TFAP2B: variants seen among roughly 807,000 people sequenced by gnomAD.
TFAP2B encodes transcription factor AP-2-beta.
TFAP2B carries 9 observed loss-of-function variants against 44.3 expected under a neutral mutation model. The ratio of observed to expected loss-of-function variants is 0.20; its 90% CI spans 0.12 to 0.35. The LOEUF (loss-of-function observed/expected upper bound fraction) is 0.35. Ranked by LOEUF, TFAP2B falls within the 10% of genes least tolerant of loss-of-function variation. TFAP2B has a pLI of 1.00. For missense variants in TFAP2B, 509 were observed against 600.0 expected (o/e 0.85, Z 1.59); for synonymous variants, 270 against 263.8 (o/e 1.02, Z -0.23).
In TFAP2B at chr6:50,822,261, C is replaced by A. The variant is rs898670655; in HGVS notation, c.82-1146C>A. The A allele has an allele frequency of 2.9e-6, 3 of 1,047,630 alleles. No homozygotes were observed. In the Admixed American group the frequency reaches 7.2e-5, roughly 25 times the overall value. The allele number at this position is 1,047,630 out of a possible 1,614,324, so 64.9% of individuals were successfully genotyped here. Reference sequence around the variant, plus strand: ...TGTGTGTGTGTCTCACACTCTCTGTCTCTCTCTGTCTTCCTTTGAGCGCCT... The same window carrying A: ...TGTGTGTGTGTCTCACACTCTCTGTATCTCTCTGTCTTCCTTTGAGCGCCT... On this transcript the variant is annotated intron_variant, in intron 1 of 6. Coordinates refer to ENST00000393655, the MANE Select transcript of TFAP2B (RefSeq NM_003221.4).
At chr6:50,840,408 A>AG in intron 6 of TFAP2B, 111 bp downstream of exon 6, 1 of 1,411,168 alleles carries the variant, frequency 7.1e-7, no homozygotes, top group Non-Finnish European at 9.9e-7. Flanking sequence ...GTTGTCTAGA[A>AG]GTAGCATTTG....
At chr6:50,841,760 G>A (rs961152148) in intron 6 of TFAP2B, among the ~76,000 whole-genome samples, 1 of 152,178 alleles carries the variant, frequency 6.6e-6, no homozygotes, top group Non-Finnish European at 1.5e-5. Context: ...CCTCTTAAGA[G>A]CTTAAAAACT....
Position 50,836,051 on chromosome 6 carries a change from CTCTT to C in TFAP2B, c.602-6_602-3del, listed in dbSNP as rs1762614735. ...GGTCACCTTTATGGCAATTTTTTCTCTCTTTCTAGTTCCAGTTCCTCCCAAATCG... is the reference window on the plus strand; with the variant it reads ...GGTCACCTTTATGGCAATTTTTTCTCTCTAGTTCCAGTTCCTCCCAAATCG... On this transcript the variant is annotated splice_region_variant and splice_polypyrimidine_tract_variant and intron_variant, in intron 3 of 6. Coordinates refer to ENST00000393655, the MANE Select transcript of TFAP2B (RefSeq NM_003221.4). 1.2e-6 allele frequency: 2 copies of C among 1,612,414 alleles called. No individual in the cohort carries two copies. Among genetic ancestry groups the C allele is most frequent in the Admixed American group, 1.7e-5 (1 of 60,012 alleles).
At chr6:50,822,304 C>A in intron 1 of TFAP2B, 1 of 615,286 alleles carries the variant, frequency 1.6e-6, no homozygotes, top group Non-Finnish European at 2.6e-6. Context: ...GGTAATTTAG[C>A]ACCATAATTG....
intron 3 of TFAP2B, among the ~76,000 whole-genome samples, chr6:50,830,531 T>G (rs1449463665): frequency 6.6e-6 from 1 of 152,214 alleles, no homozygotes; most frequent in Non-Finnish European, 1.5e-5. Flanking sequence ...TACAGCTTTT[T>G]AAAAAATGTG....
intron 1 of TFAP2B, among the ~76,000 whole-genome samples, chr6:50,820,781 G>A (rs1212852062): frequency 6.6e-6 from 1 of 152,224 alleles, no homozygotes; most frequent in African/African-American, 2.4e-5. Flanking sequence ...AGGCATTTCA[G>A]TGGGTTCTAA....
chr6:50,822,265 C>A, intron 1 of TFAP2B: 1 of 1,039,060 alleles, frequency 9.6e-7, no homozygotes, highest in Non-Finnish European at 1.3e-6. Context: ...CTCTGTCTCT[C>A]TCTGTCTTCC....
At chr6:50,819,721 C>A (rs1304288958) in intron 1 of TFAP2B, among the ~76,000 whole-genome samples, 1 of 152,226 alleles carries the variant, frequency 6.6e-6, no homozygotes, top group Non-Finnish European at 1.5e-5. Flanking sequence ...GGACGCCAGC[C>A]GCCTCCGGGG....
At chr6:50,837,852 G>T (rs977617747) in intron 4 of TFAP2B, 123 bp from the exon 5 acceptor site, 4 of 831,010 alleles carry the variant, frequency 4.8e-6, no homozygotes, top group Admixed American at 1.7e-5. Flanking sequence ...AAGGAAGGGG[G>T]AAAAATGTGC....
At chr6:50,837,434 A>C (rs973462269) in intron 4 of TFAP2B, among the ~76,000 whole-genome samples, 4 of 152,122 alleles carry the variant, frequency 2.6e-5, no homozygotes, top group African/African-American at 4.8e-5. Flanking sequence ...CTACACTTCC[A>C]AAAGTGTTAG....
chr6:50,835,194 T>G (rs896441964), intron 3 of TFAP2B, among the ~76,000 whole-genome samples: 1 of 152,224 alleles, frequency 6.6e-6, no homozygotes, highest in Non-Finnish European at 1.5e-5. Context: ...TATCAATTAC[T>G]TGCCGAAAAG....
intron 2 of TFAP2B, 149 bp downstream of exon 2, chr6:50,824,014 G>C: frequency 2.3e-6 from 2 of 881,920 alleles, no homozygotes; most frequent in Admixed American, 2.0e-5. Flanking sequence ...ATATAGAACT[G>C]TTTATGTGTG....
At position 50,843,199 on chromosome 6, in the gene TFAP2B, A is replaced by C; in HGVS notation, c.1190A>C (p.His397Pro). ...CCGGGGATCCAGAGCTGCCTCACGC[A>C]CTTCAGCCTCATCACGCACGGCTTC... ...LEPGIQSCLT[H>P]FSLITHGFGA... The change falls in exon 7 of 7, where the codon CAC becomes CCC. Residue 397 changes from histidine to proline, a missense_variant. Around this residue, in one of 3 missense-constraint regions of TFAP2B, gnomAD observed 168 missense variants for 183.2 expected, o/e 0.92. Coordinates refer to ENST00000393655, the MANE Select transcript of TFAP2B (RefSeq NM_003221.4). 1.2e-6 allele frequency: 2 copies of C among 1,614,194 alleles called. No individual in the cohort carries two copies. The highest frequency in any genetic ancestry group is 1.7e-6 in the Non-Finnish European group (2 of 1,180,040).
At chr6:50,840,447 T>C in intron 6 of TFAP2B, 150 bp downstream of exon 6, 6 of 960,256 alleles carry the variant, frequency 6.2e-6, no homozygotes, top group South Asian at 2.7e-5. Context: ...GTAGGCAGAG[T>C]TGATGGGCTA....
rs1770468213 is a variant in TFAP2B, at chr6:50,825,168, T to G, written c.540+1303T>G. ...TTTTAAAAAAGACGGAATTACCTGA[T>G]TTGTGCCTGGATTTACTGATAGTAA... On this transcript the variant is annotated intron_variant, in intron 2 of 6. Transcript: ENST00000393655. Among the ~76,000 whole-genome samples the G allele has an allele frequency of 2.0e-5, 3 of 152,226 alleles. No individual in the cohort carries two copies. In the East Asian group the frequency reaches 5.8e-4, roughly 29 times the overall value.
chr6:50,822,366 C>T (rs1370847751), intron 1 of TFAP2B, among the ~76,000 whole-genome samples: 1 of 152,108 alleles, frequency 6.6e-6, no homozygotes, highest in Non-Finnish European at 1.5e-5. Flanking sequence ...GTCTGAGCTC[C>T]ATGAGTCAGC....
At chr6:50,823,173 C>T (rs1770402545) in intron 1 of TFAP2B, among the ~76,000 whole-genome samples, 1 of 152,094 alleles carries the variant, frequency 6.6e-6, no homozygotes, top group African/African-American at 2.4e-5. Flanking sequence ...CATTTTCTCC[C>T]CAAGCCTGGG....
chr6:50,831,545 C>A (rs2113942699), intron 3 of TFAP2B, among the ~76,000 whole-genome samples: 1 of 152,054 alleles, frequency 6.6e-6, no homozygotes, highest in Non-Finnish European at 1.5e-5. Flanking sequence ...GGGGGCTGGT[C>A]AATGAGCAAT....
intron 1 of TFAP2B, chr6:50,821,818 A>T: frequency 3.9e-6 from 1 of 255,656 alleles, no homozygotes; most frequent in South Asian, 4.7e-5. Context: ...AAGCGGAGGG[A>T]GGAAGGGGCG....
Sources: allele counts gnomAD v4.1 joint callset (sites outside exome capture counted in the v4.1 genomes callset), GRCh38; gene constraint gnomAD v4.1.1; regional missense constraint gnomAD v4.1.1; transcripts MANE v1.5; gene names NCBI Gene and HGNC (gene_info 2026-07-23, HGNC 2026-07-21).